DPP10: variants seen among roughly 807,000 people sequenced by gnomAD.
The protein encoded by DPP10 is inactive dipeptidyl peptidase 10.
Under a neutral mutation model 120.9 loss-of-function variants are expected in DPP10, and 33 were observed. The observed-to-expected ratio is 0.27, with a 90% CI of 0.21 to 0.37. The LOEUF is 0.37. Among genes scored for constraint, DPP10 ranks in the 10% least tolerant of loss-of-function variants. The pLI is 1.00. For missense variants in DPP10, 816 were observed against 942.8 expected (o/e 0.87, Z 1.76); for synonymous variants, 337 against 326.1 (o/e 1.03, Z -0.36).
At position 115,182,169 on chromosome 2, in the gene DPP10, A is replaced by C. The variant is rs190138008; in HGVS notation, c.61-127070A>C. 1.9e-3 allele frequency among the ~76,000 whole-genome samples: 297 copies of C among 152,322 alleles called. 3 individuals carry two copies. Among genetic ancestry groups the C allele is most frequent in the Non-Finnish European group, 3.4e-3 (233 of 68,024 alleles). On this transcript the variant is annotated intron_variant, in intron 1 of 25. Transcript: ENST00000410059. ...TGAAAAAGATGGTATATTCCAAATAATCTTTTCGCTTCAGGGAAATTATGA... is the reference window on the plus strand; with the variant it reads ...TGAAAAAGATGGTATATTCCAAATACTCTTTTCGCTTCAGGGAAATTATGA...
chr2:115,571,805 C>T lies in DPP10; in HGVS notation c.441+45833C>T, dbSNP rs182501451. Among the ~76,000 whole-genome samples, 14 of 151,656 alleles carry T rather than the reference C, an allele frequency of 9.2e-5. No individual in the cohort carries two copies. The East Asian group carries it at 2.5e-3, about 27-fold the overall frequency. ...ACCCATAGTCTCAAAACCCCAAGTC[C>T]ATTCCCTGAAGCATTTTTATTATAC... On this transcript the variant is annotated intron_variant, in intron 5 of 25. Coordinates refer to ENST00000410059, the MANE Select transcript of DPP10 (RefSeq NM_020868.6).
At chr2:115,102,539 T>A (rs2048740150) in intron 1 of DPP10, among the ~76,000 whole-genome samples, 1 of 152,088 alleles carries the variant, frequency 6.6e-6, no homozygotes, top group Non-Finnish European at 1.5e-5. Flanking sequence ...GCCTCCCAAG[T>A]AGCTGGGACT....
intron 1 of DPP10, among the ~76,000 whole-genome samples, chr2:114,643,265 A>G (rs902187715): frequency 6.6e-6 from 1 of 151,910 alleles, no homozygotes; most frequent in Non-Finnish European, 1.5e-5. Flanking sequence ...TCTTGATGAC[A>G]GCCAGGGGCA....
At chr2:115,569,268 C>A (rs1229307687) in intron 5 of DPP10, among the ~76,000 whole-genome samples, 1 of 152,128 alleles carries the variant, frequency 6.6e-6, no homozygotes. Flanking sequence ...AAGTGTATTT[C>A]ATTGATTTTG....
chr2:115,588,862 G>T lies in DPP10; in HGVS notation c.441+62890G>T, dbSNP rs1221186287. On this transcript the variant is annotated intron_variant, in intron 5 of 25. Transcript: ENST00000410059. ...TAAAATATTCTTCTATACAATTATA[G>T]TTAGGGCAAATAACAATACAAAAAT... 4.6e-5 allele frequency among the ~76,000 whole-genome samples: 7 copies of T among 152,252 alleles called. 2 individuals carry two copies. Among genetic ancestry groups the T allele is most frequent in the Middle Eastern group, 3.4e-3 (1 of 294 alleles).
At chr2:115,538,667 T>C (rs1394064569) in intron 5 of DPP10, among the ~76,000 whole-genome samples, 1 of 151,986 alleles carries the variant, frequency 6.6e-6, no homozygotes, top group African/African-American at 2.4e-5. Context: ...CTAACTTAAG[T>C]AACGTTATTG....
chr2:115,713,337 A>G (rs956312694), intron 7 of DPP10, among the ~76,000 whole-genome samples: 2 of 152,094 alleles, frequency 1.3e-5, no homozygotes, highest in African/African-American at 2.4e-5. Context: ...ATGGAGTGAC[A>G]GTTTGAGAAT....
intron 1 of DPP10, among the ~76,000 whole-genome samples, chr2:115,086,744 C>A (rs931295937): frequency 6.6e-6 from 1 of 152,126 alleles, no homozygotes; most frequent in Non-Finnish European, 1.5e-5. Flanking sequence ...CGTGAGCCAC[C>A]GTGCCCAGCC....
At chr2:115,464,516 A>T (rs1311153371) in intron 3 of DPP10, among the ~76,000 whole-genome samples, 28 of 152,022 alleles carry the variant, frequency 1.8e-4, no homozygotes, top group Admixed American at 1.8e-3. Flanking sequence ...TTCACCCCTG[A>T]GGCTGTTAGC....
At chr2:115,287,267 CTGTCAGTTTTATT>C (rs879651800) in intron 1 of DPP10, among the ~76,000 whole-genome samples, 7 of 151,970 alleles carry the variant, frequency 4.6e-5, no homozygotes, top group Admixed American at 1.3e-4. Flanking sequence ...GCATTTTACT[CTGTCAGTTTTATT>C]TTATTTTTAA....
chr2:115,711,775 C>A (rs1364988952), intron 7 of DPP10, among the ~76,000 whole-genome samples: 1 of 151,940 alleles, frequency 6.6e-6, no homozygotes, highest in East Asian at 1.9e-4. Flanking sequence ...AAGTGTTATG[C>A]AATTTGAAAG....
chr2:115,437,258 C>G lies in DPP10; in HGVS notation c.272-62252C>G, dbSNP rs577456313. Among the ~76,000 whole-genome samples, 63 of 152,142 alleles carry G rather than the reference C, an allele frequency of 4.1e-4. No individual in the cohort carries two copies. In the Middle Eastern group the frequency reaches 0.01, roughly 25 times the overall value. The stretch of plus-strand genomic sequence containing the variant: ...ATTAACTCTCTTCTAGTGGATAGCT[C>G]AAGGGGCAACCTTTTTTATACATAC... On this transcript the variant is annotated intron_variant, in intron 3 of 25. Transcript: ENST00000410059.
At chr2:114,511,289 A>G (rs753009734) in intron 1 of DPP10, among the ~76,000 whole-genome samples, 140 of 152,342 alleles carry the variant, frequency 9.2e-4, no homozygotes, top group Admixed American at 1.7e-3. Flanking sequence ...TTATAAAATC[A>G]ATGTGACTCC....
intron 1 of DPP10, among the ~76,000 whole-genome samples, chr2:114,900,692 C>T (rs979566188): frequency 1.3e-5 from 2 of 151,974 alleles, no homozygotes; most frequent in African/African-American, 4.8e-5. Context: ...AACAGAAGTC[C>T]CTAATTTTAA....
At chr2:114,936,894 A>C (rs959866703) in intron 1 of DPP10, among the ~76,000 whole-genome samples, 4 of 152,128 alleles carry the variant, frequency 2.6e-5, no homozygotes, top group Admixed American at 1.3e-4. Flanking sequence ...TATCTTCTTT[A>C]AAGAATTGTC....
chr2:114,800,947 A>C (rs2106279389), intron 1 of DPP10, among the ~76,000 whole-genome samples: 1 of 152,240 alleles, frequency 6.6e-6, no homozygotes, highest in Admixed American at 6.5e-5. Flanking sequence ...TTAAAAAAAA[A>C]AAAATCACAT....
At position 115,843,440 on chromosome 2, in the gene DPP10, A is replaced by T. The variant is rs1690347465; in HGVS notation, c.*1095A>T. 6.6e-6 allele frequency: 1 copy of T among 152,422 alleles called. No homozygotes were observed. The highest frequency in any genetic ancestry group is 2.4e-5 in the African/African-American group (1 of 41,446). The allele number at this position is 152,422 out of a possible 1,614,324, so 9.4% of individuals were successfully genotyped here. On this transcript the variant is annotated 3_prime_UTR_variant, in exon 26 of 26. Transcript: ENST00000410059. ...AGAATCAATTCTCATTTTCATCGTA[A>T]AAGCAAATAGCTGGATTATTTCATT...
At chr2:115,439,603 C>T (rs1483631916) in intron 3 of DPP10, among the ~76,000 whole-genome samples, 2 of 152,044 alleles carry the variant, frequency 1.3e-5, no homozygotes, top group African/African-American at 4.8e-5. Context: ...TTTATTTCTA[C>T]GAGAAGATGG....
intron 5 of DPP10, among the ~76,000 whole-genome samples, chr2:115,590,848 A>G (rs1314646770): frequency 2.0e-5 from 3 of 152,160 alleles, no homozygotes; most frequent in African/African-American, 7.2e-5. Flanking sequence ...TGACTTTTTA[A>G]TGATCGCCAT....
Sources: gnomAD v4.1 joint callset for allele counts (sites outside exome capture counted in the v4.1 genomes callset) on GRCh38, gnomAD v4.1.1 for gene constraint, MANE v1.5 for transcripts, NCBI Gene and HGNC (gene_info 2026-07-23, HGNC 2026-07-21) for gene names.